CALCOCO2: variants seen among roughly 807,000 people sequenced by gnomAD.
CALCOCO2 encodes calcium binding and coiled-coil domain 2, also known as calcium-binding and coiled-coil domain-containing protein 2.
In CALCOCO2, 42 loss-of-function variants were observed where a neutral mutation model predicts 62.5. The ratio of observed to expected loss-of-function variants is 0.67; its 90% confidence interval spans 0.53 to 0.87. The LOEUF is 0.87. CALCOCO2 is among the 40% of genes least tolerant of loss of function. CALCOCO2 has a pLI of 0.00. For synonymous variants in CALCOCO2, 167 were observed against 173.0 expected (o/e 0.97, Z 0.27); for missense variants, 456 against 515.0 (o/e 0.89, Z 1.11).
rs2040352382 is a variant in CALCOCO2 at position 48,863,205 on chromosome 17, A to G, written c.*200A>G. 9.2e-6 allele frequency: 5 copies of G among 541,690 alleles called. No individual in the cohort carries two copies. The highest frequency in any genetic ancestry group is 8.1e-5 in the South Asian group (4 of 49,604). The allele number at this position is 541,690 out of a possible 1,614,324, so 33.6% of individuals were successfully genotyped here. ...TCTGCTGCCATCCTTGTGGGTTGCT[A>G]CCTTTAAGTCGCATAACTCTAGCTG... On this transcript the variant is annotated 3_prime_UTR_variant, in exon 13 of 13. Coordinates refer to ENST00000258947, the MANE Select transcript of CALCOCO2 (RefSeq NM_005831.5).
At chr17:48,840,377 C>T (rs1200137942) in intron 1 of CALCOCO2, among the ~76,000 whole-genome samples, 6 of 151,488 alleles carry the variant, frequency 4.0e-5, no homozygotes, top group Non-Finnish European at 7.4e-5. Flanking sequence ...AAGATCCACC[C>T]GCCTCTGCCT....
In CALCOCO2 at chr17:48,863,341, C is replaced by T. The variant is rs2040354160; in HGVS notation, c.*336C>T. 1 of 293,700 alleles carries T rather than the reference C, an allele frequency of 3.4e-6. No homozygotes were observed. 18.2% of individuals were successfully genotyped at this position (293,700 alleles called of 1,614,324 possible). ...GACTTGATACTAAGTGATTAGTTTT[C>T]CAAGTTGTCCCACTGCCATTCAAAG... On this transcript the variant is annotated 3_prime_UTR_variant, in exon 13 of 13. Coordinates refer to ENST00000258947, the MANE Select transcript of CALCOCO2 (RefSeq NM_005831.5).
intron 2 of CALCOCO2, chr17:48,846,096 G>T: frequency 7.4e-7 from 1 of 1,346,670 alleles, no homozygotes; most frequent in Non-Finnish European, 1.0e-6. Flanking sequence ...TCTGGCACCA[G>T]GTAGGTACTC....
chr17:48,861,677 A>ATATATATATAT (rs1555574331), intron 11 of CALCOCO2, among the ~76,000 whole-genome samples: 4 of 117,450 alleles, frequency 3.4e-5, no homozygotes, highest in African/African-American at 1.2e-4. Context: ...ATATATATAT[A>ATATATATATAT]AAGCCTGTGT....
chr17:48,846,951 C>T (rs984437610), intron 2 of CALCOCO2, among the ~76,000 whole-genome samples: 11 of 152,148 alleles, frequency 7.2e-5, no homozygotes, highest in Non-Finnish European at 1.2e-4. Flanking sequence ...TTTGAGCAAT[C>T]TTTTACCCCC....
At chr17:48,848,881 C>A in intron 4 of CALCOCO2, 1 of 478,072 alleles carries the variant, frequency 2.1e-6, no homozygotes, top group Non-Finnish European at 4.1e-6. Context: ...ACCTACTTTT[C>A]ATCCAGCACT....
chr17:48,862,858 T>G lies in CALCOCO2; in HGVS notation c.1194T>G (p.Pro398=), dbSNP rs1444452797. 2 of 1,614,048 alleles carry G rather than the reference T, an allele frequency of 1.2e-6. No individual in the cohort carries two copies. The highest frequency in any genetic ancestry group is 3.3e-5 in the Admixed American group (2 of 60,020). ...SPSPLSIKKC[P]ICKADDICDH... is the part of the protein sequence containing the mutation. ...CCCAGCTCTCCATCAAGAAATGCCC[T>G]ATCTGCAAAGCAGATGATATTTGTG... The change falls in exon 13 of 13, where the codon CCT becomes CCG. Residue 398 remains proline, a synonymous_variant. Coordinates refer to ENST00000258947, the MANE Select transcript of CALCOCO2 (RefSeq NM_005831.5).
intron 2 of CALCOCO2, chr17:48,846,344 T>C: frequency 1.6e-6 from 1 of 624,650 alleles, no homozygotes. Flanking sequence ...ATCTTCTCTA[T>C]AGTGAAAGCC....
Position 48,858,046 on chromosome 17 carries a change from A to ATAGAATAGAAAATAGAATAG in CALCOCO2, c.1008+1859_1008+1860insTAGAATAGAAAATAGAATAG. ...ATAGAATAGAATAGAATAGAATAGA[A>ATAGAATAGAAAATAGAATAG]AATAGAATAGAATAGAATAGAATAG... On this transcript the variant is annotated intron_variant, in intron 10 of 12. Coordinates refer to ENST00000258947, the MANE Select transcript of CALCOCO2 (RefSeq NM_005831.5). Among the ~76,000 whole-genome samples, 10 of 40,024 alleles carry ATAGAATAGAAAATAGAATAG rather than the reference A, an allele frequency of 2.5e-4. 1 individual carries two copies. Among genetic ancestry groups the ATAGAATAGAAAATAGAATAG allele is most frequent in the South Asian group, 9.6e-4 (1 of 1,042 alleles). The allele number at this position is 40,024 out of a possible 152,430, so 26.3% of individuals were successfully genotyped here. A position where few individuals can be genotyped will look rare whatever the true frequency, so the allele number is the denominator to read the frequency against.
At chr17:48,837,327 A>G (rs2039907231) in intron 1 of CALCOCO2, among the ~76,000 whole-genome samples, 1 of 152,126 alleles carries the variant, frequency 6.6e-6, no homozygotes, top group African/African-American at 2.4e-5. Flanking sequence ...CTAGACTGGA[A>G]TGTGAACATT....
chr17:48,837,561 G>T (rs540254790), intron 1 of CALCOCO2, among the ~76,000 whole-genome samples: 1 of 152,010 alleles, frequency 6.6e-6, no homozygotes, highest in Non-Finnish European at 1.5e-5. Context: ...CAGGAGAATT[G>T]CTTGAACCCC....
At chr17:48,842,880 C>G (rs1357129605) in intron 2 of CALCOCO2, among the ~76,000 whole-genome samples, 1 of 152,042 alleles carries the variant, frequency 6.6e-6, no homozygotes, top group African/African-American at 2.4e-5. Flanking sequence ...ACCTTGTGAT[C>G]TGCCCGCCTC....
Position 48,863,768 on chromosome 17 carries a change from T to G in CALCOCO2, c.*763T>G, listed in dbSNP as rs1176889381. On this transcript the variant is annotated 3_prime_UTR_variant, in exon 13 of 13. Coordinates refer to ENST00000258947, the MANE Select transcript of CALCOCO2 (RefSeq NM_005831.5). ...TTTCTGAGTAGGTGAGTTTTGAATA[T>G]GGGTAAATCAGAATAATGAGACAAC... 1 of 152,228 alleles carries G rather than the reference T, an allele frequency of 6.6e-6. No individual in the cohort carries two copies. The highest frequency in any genetic ancestry group is 2.4e-5 in the African/African-American group (1 of 41,448). The allele number at this position is 152,228 out of a possible 1,614,324, so 9.4% of individuals were successfully genotyped here. A position where few individuals can be genotyped will look rare whatever the true frequency, so the allele number is the denominator to read the frequency against.
chr17:48,858,703 GGCAGGT>G (rs1470878199), intron 10 of CALCOCO2, among the ~76,000 whole-genome samples: 1 of 151,700 alleles, frequency 6.6e-6, no homozygotes, highest in Non-Finnish European at 1.5e-5. Flanking sequence ...TGTGGGGGGG[GGCAGGT>G]GCACACACAG....
At chr17:48,837,760 T>C (rs1233957337) in intron 1 of CALCOCO2, among the ~76,000 whole-genome samples, 1 of 152,170 alleles carries the variant, frequency 6.6e-6, no homozygotes, top group Non-Finnish European at 1.5e-5. Context: ...ATTTCAAGAA[T>C]AGACAGTTTA....
In CALCOCO2 at chr17:48,860,369, C is replaced by G; in HGVS notation, c.1064C>G (p.Ser355Cys). ...LLSYMGLDFN[S>C]LPYQVPTSDE... is the part of the protein sequence containing the mutation. ...AGTTACATGGGTCTGGATTTTAATT[C>G]TTTGCCGTATCAAGTACCTACTTCA... Residue 355 changes from serine to cysteine, a missense_variant, in exon 11 of 13, where the codon TCT becomes TGT. By Grantham distance (112) the Ser-to-Cys change is moderately radical (BLOSUM62 -1). Around this residue, in one of 3 missense-constraint regions of CALCOCO2, gnomAD observed 172 missense variants for 210.3 expected, o/e 0.82. Coordinates refer to ENST00000258947, the MANE Select transcript of CALCOCO2 (RefSeq NM_005831.5). The G allele has an allele frequency of 6.2e-7, 1 of 1,613,372 alleles. No individual in the cohort carries two copies. The highest frequency in any genetic ancestry group is 1.3e-5 in the African/African-American group (1 of 75,036).
intron 10 of CALCOCO2, among the ~76,000 whole-genome samples, chr17:48,859,134 G>C (rs481636): frequency 7.0e-6 from 1 of 142,958 alleles, no homozygotes; most frequent in East Asian, 2.1e-4. Context: ...TTTTTCCTAA[G>C]AACTTGAAAT....
At chr17:48,831,118 G>T in intron 1 of CALCOCO2, 40 bp downstream of exon 1, 1 of 152,690 alleles carries the variant, frequency 6.5e-6, no homozygotes, top group Non-Finnish European at 1.5e-5. Context: ...AGGCCCTCGG[G>T]GTGCCCACAT....
chr17:48,836,784 T>C (rs1227632498), intron 1 of CALCOCO2, among the ~76,000 whole-genome samples: 37 of 146,248 alleles, frequency 2.5e-4, no homozygotes, highest in African/African-American at 9.5e-4. Flanking sequence ...TTTTTGGAGA[T>C]AGAGTTTTGC....
Sources: gnomAD v4.1 joint callset for allele counts (sites outside exome capture counted in the v4.1 genomes callset) on GRCh38, gnomAD v4.1.1 for gene constraint, gnomAD v4.1.1 regional missense constraint, MANE v1.5 for transcripts, NCBI Gene and HGNC (gene_info 2026-07-23, HGNC 2026-07-21) for gene names.